Variants in TTC7B observed in about 807,000 individuals in gnomAD.
TTC7B encodes the protein tetratricopeptide repeat protein 7B.
Under a neutral mutation model 106.8 loss-of-function variants are expected in TTC7B, and 28 were observed. The observed-to-expected ratio is 0.26, with a 90% CI of 0.19 to 0.36. The LOEUF is 0.36. Among genes scored for constraint, TTC7B ranks in the 10% least tolerant of loss-of-function variants. The pLI is 1.00. For synonymous variants in TTC7B, 405 were observed against 430.6 expected, an observed-to-expected ratio of 0.94 and a Z score of 0.74; for missense variants, 862 against 1,076.4, an observed-to-expected ratio of 0.80 and a Z score of 2.79.
chr14:90,749,917 G>A lies in TTC7B; in HGVS notation c.446-4995C>T, dbSNP rs531940288. ...CTAAACTTTCTGAAATAAGGAATAC[G>A]GTTCTAATAACTTTCAATGGCCCTC... On this transcript the variant is annotated intron_variant, in intron 3 of 19. Transcript: ENST00000328459. Among the ~76,000 whole-genome samples, 10 of 152,200 alleles carry A rather than the reference G, an allele frequency of 6.6e-5. No individual in the cohort carries two copies. In the East Asian group the frequency reaches 1.2e-3, roughly 18 times the overall value.
chr14:90,673,513 G>T (rs1176351239), intron 9 of TTC7B, among the ~76,000 whole-genome samples: 1 of 152,194 alleles, frequency 6.6e-6, no homozygotes, highest in African/African-American at 2.4e-5. Flanking sequence ...CAGAAAGATC[G>T]CCCTGCTGAC....
intron 5 of TTC7B, among the ~76,000 whole-genome samples, chr14:90,714,275 T>C (rs563937409): frequency 1.5e-4 from 22 of 151,610 alleles, no homozygotes; most frequent in Non-Finnish European, 2.5e-4. Context: ...ACGTATTCTA[T>C]GATTACATTT....
intron 17 of TTC7B, among the ~76,000 whole-genome samples, chr14:90,597,439 C>T (rs1892250602): frequency 6.6e-6 from 1 of 152,162 alleles, no homozygotes; most frequent in Non-Finnish European, 1.5e-5. Context: ...AGGCGGATCA[C>T]CTGAGGTCAG....
chr14:90,678,323 C>T (rs1223463697), intron 8 of TTC7B, among the ~76,000 whole-genome samples: 1 of 152,108 alleles, frequency 6.6e-6, no homozygotes, highest in Non-Finnish European at 1.5e-5. Context: ...TAAATGATAC[C>T]TTGTAGGTGG....
intron 10 of TTC7B, 107 bp downstream of exon 10, chr14:90,658,197 T>TC (rs369824487): frequency 2.1e-6 from 2 of 956,468 alleles, no homozygotes; most frequent in East Asian, 5.1e-5. Flanking sequence ...TCAGAGTGGC[T>TC]CGAAAGACTT....
At position 90,808,115 on chromosome 14, in the gene TTC7B, C is replaced by T. The variant is rs749639964; in HGVS notation, c.121+8060G>A. Among the ~76,000 whole-genome samples the T allele has an allele frequency of 1.1e-4, 17 of 152,206 alleles. No homozygotes were observed. Among genetic ancestry groups the T allele is most frequent in the Admixed American group, 6.5e-4 (10 of 15,284 alleles). ...GCTTGTTGTGATGATTAACTGAGAT[C>T]TGTGTAAAAGTTCATAGCCAGAATC... On this transcript the variant is annotated intron_variant, in intron 1 of 19. Transcript: ENST00000328459. The surrounding 1 kb of genome is among the most constrained non-coding windows in gnomAD (Gnocchi z 4.2).
rs903100498 is a variant in TTC7B, at chr14:90,620,180, C to T, written c.1752-2135G>A. 4.6e-5 allele frequency among the ~76,000 whole-genome samples: 7 copies of T among 151,884 alleles called. No homozygotes were observed. In the South Asian group the frequency reaches 8.3e-4, roughly 18 times the overall value. On this transcript the variant is annotated intron_variant, in intron 15 of 19. Transcript: ENST00000328459. ...CTTGCAGAAGCCTGGAATGATGGGACGAGGGCCAGGTAAAGGGAGGAATGT... is the reference window on the plus strand; with the variant it reads ...CTTGCAGAAGCCTGGAATGATGGGATGAGGGCCAGGTAAAGGGAGGAATGT...
chr14:90,778,901 G>A (rs1891120576), intron 3 of TTC7B, among the ~76,000 whole-genome samples: 1 of 152,218 alleles, frequency 6.6e-6, no homozygotes, highest in South Asian at 2.1e-4. Flanking sequence ...CCTTCACAAA[G>A]CTCTTAACAA....
intron 5 of TTC7B, among the ~76,000 whole-genome samples, chr14:90,713,125 CT>C (rs540468118): frequency 6.6e-6 from 1 of 151,638 alleles, no homozygotes; most frequent in Admixed American, 6.6e-5. Flanking sequence ...CTAAGAATAC[CT>C]TTTTTTTGAG....
intron 9 of TTC7B, among the ~76,000 whole-genome samples, chr14:90,666,422 A>G (rs550969719): frequency 5.9e-5 from 9 of 152,296 alleles, no homozygotes; most frequent in Non-Finnish European, 1.3e-4. Flanking sequence ...TGGCCTCCCA[A>G]AGTGCTGGGA....
rs1327640054 is a variant in TTC7B, at chr14:90,582,282, T to C, written c.2108-3974A>G. Reference sequence around the variant, plus strand: ...TTCCAATTTGCAAGCCACAGTGTCATGAGAACATGGAGAACTTGGTTCTTG... The same window carrying C: ...TTCCAATTTGCAAGCCACAGTGTCACGAGAACATGGAGAACTTGGTTCTTG... On this transcript the variant is annotated intron_variant, in intron 18 of 19. Transcript: ENST00000328459. 6.6e-5 allele frequency among the ~76,000 whole-genome samples: 10 copies of C among 152,330 alleles called. No individual in the cohort carries two copies. The East Asian group carries it at 1.9e-3, about 29-fold the overall frequency.
chr14:90,733,782 C>T (rs1889415868), intron 4 of TTC7B, among the ~76,000 whole-genome samples: 1 of 152,288 alleles, frequency 6.6e-6, no homozygotes, highest in East Asian at 1.9e-4. Flanking sequence ...CCACCATTCG[C>T]GGACTTAGGA....
At chr14:90,618,275 G>A (rs925009806) in intron 15 of TTC7B, among the ~76,000 whole-genome samples, 3 of 152,244 alleles carry the variant, frequency 2.0e-5, no homozygotes, top group African/African-American at 7.2e-5. Flanking sequence ...ACTATTTGTG[G>A]TCAGGCTGAA....
rs1595343304 is a variant in TTC7B at position 90,744,932 on chromosome 14, AT to A, written c.446-11del. On this transcript the variant is annotated splice_polypyrimidine_tract_variant and intron_variant, in intron 3 of 19. Transcript: ENST00000328459. ...TTCTCCAAACAAAGTCCTTAAAAAA[AT>A]ATCAGACACAAAAACTGAGTGAATT... The A allele has an allele frequency of 3.1e-6, 5 of 1,612,036 alleles. No individual in the cohort carries two copies. Among genetic ancestry groups the A allele is most frequent in the East Asian group, 4.5e-5 (2 of 44,886 alleles).
intron 6 of TTC7B, among the ~76,000 whole-genome samples, chr14:90,694,542 C>T (rs1305207922): frequency 7.2e-6 from 1 of 138,914 alleles, no homozygotes; most frequent in Non-Finnish European, 1.6e-5. Context: ...AGTGAAAGGG[C>T]TTGCGCAAGT....
At chr14:90,728,333 C>G (rs1456618440) in intron 5 of TTC7B, among the ~76,000 whole-genome samples, 1 of 130,798 alleles carries the variant, frequency 7.6e-6, no homozygotes, top group African/African-American at 3.0e-5. Context: ...CCTCGTCCCC[C>G]CCGCAAAAAA....
chr14:90,571,365 C>CCA (rs1891027916), intron 19 of TTC7B, among the ~76,000 whole-genome samples: 5 of 152,142 alleles, frequency 3.3e-5, no homozygotes, highest in Admixed American at 2.0e-4. Context: ...ACTACTTTGT[C>CCA]CTCGGCACTG....
chr14:90,625,614 AC>A (rs768101808), intron 15 of TTC7B, among the ~76,000 whole-genome samples: 1 of 152,196 alleles, frequency 6.6e-6, no homozygotes, highest in South Asian at 2.1e-4. Context: ...TGCTGGGATG[AC>A]AGCTGTGCAC....
In TTC7B at chr14:90,695,560, G is replaced by A. The variant is rs748257484; in HGVS notation, c.717C>T (p.Val239=). 2.8e-5 allele frequency: 45 copies of A among 1,596,084 alleles called. No individual in the cohort carries two copies. Among genetic ancestry groups the A allele is most frequent in the South Asian group, 4.5e-5 (4 of 88,298 alleles). Residue 239 remains valine, a synonymous_variant, in exon 6 of 20, where the codon GTC becomes GTT. Transcript: ENST00000328459. The part of the protein sequence containing the change: ...YFKNGNLTRG[V]GRFRELLRAV... ...CTCTGAGAAGCTCTCTAAATCTTCC[G>A]ACTCCTCTTGTCAAGTTCCTGTGTG...
Sources: allele counts gnomAD v4.1 joint callset (sites outside exome capture counted in the v4.1 genomes callset), GRCh38; gene constraint gnomAD v4.1.1; non-coding constraint Gnocchi (gnomAD v3.1); transcripts MANE v1.5; gene names NCBI Gene and HGNC (gene_info 2026-07-23, HGNC 2026-07-21).